The following NAV1 variants were observed in gnomAD, a reference collection of about 807,000 sequenced individuals.
NAV1 encodes the protein pore membrane and/or filament interacting like protein 3.
NAV1 carries 18 observed loss-of-function variants against 175.2 expected under a neutral mutation model. The ratio of observed to expected loss-of-function variants is 0.10; its 90% CI spans 0.07 to 0.15. The LOEUF (loss-of-function observed/expected upper bound fraction) is 0.15, where lower values mean the gene tolerates loss of function less well. Among genes scored for constraint, NAV1 ranks in the 10% least tolerant of loss-of-function variants. The probability of loss-of-function intolerance (pLI) is 1.00; values close to 1 mark genes in which losing one functional copy is unlikely to be tolerated. For synonymous variants in NAV1, 897 were observed against 978.7 expected, an observed-to-expected ratio of 0.92 and a Z score of 1.56; for missense variants, 1,731 against 2,436.6, an observed-to-expected ratio of 0.71 and a Z score of 6.10.
intron 2 of NAV1, among the ~76,000 whole-genome samples, chr1:201,608,479 C>T (rs1667754136): frequency 6.6e-6 from 1 of 152,174 alleles, no homozygotes; most frequent in Admixed American, 6.5e-5. Flanking sequence ...CGACCCCGTT[C>T]AGAGATGTTG....
At chr1:201,757,659 A>T (rs1031078823) in intron 3 of NAV1, among the ~76,000 whole-genome samples, 1 of 152,148 alleles carries the variant, frequency 6.6e-6, no homozygotes, top group African/African-American at 2.4e-5. Flanking sequence ...AAATCAGCTG[A>T]CCAGGGGCAT....
intron 2 of NAV1, among the ~76,000 whole-genome samples, chr1:201,610,694 T>C (rs1486256566): frequency 6.6e-6 from 1 of 152,096 alleles, no homozygotes; most frequent in Non-Finnish European, 1.5e-5. Context: ...GAATGCCAAG[T>C]CTGGGAAGTA....
At chr1:201,623,192 C>T (rs182711675) in exon 1 of NAV1, 17 of 985,970 alleles carry the variant, frequency 1.7e-5, no homozygotes, top group Non-Finnish European at 2.0e-5. Context: ...TGGAATAGTC[C>T]CAGGACAACC....
intron 2 of NAV1, among the ~76,000 whole-genome samples, chr1:201,633,928 T>G (rs1188690770): frequency 6.6e-6 from 1 of 152,172 alleles, no homozygotes; most frequent in Non-Finnish European, 1.5e-5. Flanking sequence ...ATCTAGGACC[T>G]GGTAGGCTTC....
intron 1 of NAV1, among the ~76,000 whole-genome samples, chr1:201,540,394 C>T (rs1026599397): frequency 6.6e-6 from 1 of 152,166 alleles, no homozygotes; most frequent in Non-Finnish European, 1.5e-5. Flanking sequence ...TGCTGAGAAG[C>T]CTGTGGGCAC....
At chr1:201,739,636 T>C in intron 3 of NAV1, 1 of 279,696 alleles carries the variant, frequency 3.6e-6, no homozygotes, top group Non-Finnish European at 5.6e-6. Context: ...CAGGGGTTAA[T>C]TTCGGAGCAG....
At chr1:201,601,905 C>T (rs1461508024) in intron 2 of NAV1, among the ~76,000 whole-genome samples, 1 of 152,138 alleles carries the variant, frequency 6.6e-6, no homozygotes, top group African/African-American at 2.4e-5. Context: ...ATGGCAGCCT[C>T]AGTGGTGGTG....
At chr1:201,619,938 G>A (rs997906381), upstream of NAV1, among the ~76,000 whole-genome samples, 4 of 152,228 alleles carry the variant, frequency 2.6e-5, no homozygotes, top group African/African-American at 9.6e-5. Context: ...ACGGTATCAA[G>A]TCATTAAAGT....
chr1:201,706,676 A>G (rs899242766), intron 1 of NAV1, among the ~76,000 whole-genome samples: 92 of 152,282 alleles, frequency 6.0e-4, no homozygotes, highest in African/African-American at 2.2e-3. Context: ...TTCCCACCTC[A>G]TCCAGCCACT....
intron 3 of NAV1, among the ~76,000 whole-genome samples, chr1:201,722,284 G>C (rs928723556): frequency 2.6e-5 from 4 of 152,110 alleles, no homozygotes; most frequent in Non-Finnish European, 2.9e-5. Context: ...GCTCCTGGGA[G>C]CCACCATTCT....
At chr1:201,690,840 C>T (rs1192149408) in intron 1 of NAV1, among the ~76,000 whole-genome samples, 2 of 152,358 alleles carry the variant, frequency 1.3e-5, no homozygotes, top group East Asian at 3.9e-4. Context: ...CTTTGCTTTC[C>T]TGGTCTCAGG....
intron 1 of NAV1, among the ~76,000 whole-genome samples, chr1:201,681,896 C>T (rs923666233): frequency 1.3e-5 from 2 of 152,124 alleles, no homozygotes; most frequent in African/African-American, 2.4e-5. Context: ...AGGTGGATCA[C>T]CTGAGGTCAG....
At chr1:201,749,860 C>T (rs762633852) in intron 3 of NAV1, among the ~76,000 whole-genome samples, 3 of 151,914 alleles carry the variant, frequency 2.0e-5, no homozygotes, top group South Asian at 2.1e-4. Flanking sequence ...GCCATGTTCA[C>T]GCCACTGCAC....
rs937467096 is a variant in NAV1, at chr1:201,792,294, T to G, written c.3322-1498T>G. ...GTGACTCCAAACCAAACTTTTGTCATGTTCCATGGAACTTCCTAGCCACTA... is the reference window on the plus strand; with the variant it reads ...GTGACTCCAAACCAAACTTTTGTCAGGTTCCATGGAACTTCCTAGCCACTA... On this transcript the variant is annotated intron_variant, in intron 13 of 29. Coordinates refer to ENST00000367296, the Ensembl canonical transcript of NAV1. The G allele has an allele frequency of 4.6e-5, 7 of 152,062 alleles. 1 individual carries two copies. The South Asian group carries it at 1.5e-3, about 32-fold the overall frequency. The allele number at this position is 152,062 out of a possible 1,614,324, so 9.4% of individuals were successfully genotyped here. A position where few individuals can be genotyped will look rare whatever the true frequency, so the allele number is the denominator to read the frequency against.
At chr1:201,714,693 C>T (rs1672062518) in intron 2 of NAV1, among the ~76,000 whole-genome samples, 1 of 152,222 alleles carries the variant, frequency 6.6e-6, no homozygotes, top group African/African-American at 2.4e-5. Context: ...TGCCTTCCCC[C>T]ATCCAAGGAA....
At chr1:201,576,450 A>C (rs1666691589) in intron 1 of NAV1, among the ~76,000 whole-genome samples, 2 of 152,318 alleles carry the variant, frequency 1.3e-5, no homozygotes, top group East Asian at 3.9e-4. Flanking sequence ...TATTAAGAAT[A>C]AGCTGATAAG....
Position 201,763,707 on chromosome 1 carries a change from C to T in NAV1, c.1227-16714C>T, listed in dbSNP as rs185653542. 1.6e-3 allele frequency among the ~76,000 whole-genome samples: 240 copies of T among 152,338 alleles called. 1 individual carries two copies. Among genetic ancestry groups the T allele is most frequent in the Admixed American group, 4.8e-3 (74 of 15,304 alleles). Reference sequence around the variant, plus strand: ...GCTGACATGGCAAAGCTTTAACCGACGGCTTGGAAACAGTCTCTCATGTCT... The same window carrying T: ...GCTGACATGGCAAAGCTTTAACCGATGGCTTGGAAACAGTCTCTCATGTCT... On this transcript the variant is annotated intron_variant, in intron 3 of 29. Transcript: ENST00000367296.
chr1:201,690,539 G>C (rs1263559871), intron 1 of NAV1, among the ~76,000 whole-genome samples: 1 of 150,698 alleles, frequency 6.6e-6, no homozygotes, highest in Admixed American at 6.6e-5. Context: ...TGGCCTGTCC[G>C]TGGCAGAGTG....
intron 3 of NAV1, among the ~76,000 whole-genome samples, chr1:201,777,769 G>A (rs1676054674): frequency 6.6e-6 from 1 of 151,942 alleles, no homozygotes; most frequent in East Asian, 1.9e-4. Flanking sequence ...TGGCCAACAT[G>A]GTGAAACACC....
Sources: allele counts gnomAD v4.1 joint callset (sites outside exome capture counted in the v4.1 genomes callset), GRCh38; gene constraint gnomAD v4.1.1; transcripts MANE v1.5; gene names NCBI Gene and HGNC (gene_info 2026-07-23, HGNC 2026-07-21).